Variants in CLSTN2 observed in about 807,000 individuals in gnomAD.
CLSTN2 encodes calsyntenin 2.
In CLSTN2, 48 loss-of-function variants were observed where a neutral mutation model predicts 101.2. The observed-to-expected ratio is 0.47, with a 90% CI of 0.38 to 0.60. The LOEUF (loss-of-function observed/expected upper bound fraction) is 0.60. Ranked by LOEUF, CLSTN2 falls within the 20% of genes least tolerant of loss-of-function variation. The pLI, the probability that CLSTN2 is intolerant of heterozygous loss-of-function variation, is 0.00. For synonymous variants in CLSTN2, 481 were observed against 463.6 expected, an observed-to-expected ratio of 1.04 and a Z score of -0.48; for missense variants, 1,160 against 1,238.2, an observed-to-expected ratio of 0.94 and a Z score of 0.95.
At chr3:140,198,388 C>T (rs190436483) in intron 2 of CLSTN2, among the ~76,000 whole-genome samples, 12 of 152,300 alleles carry the variant, frequency 7.9e-5, no homozygotes, top group East Asian at 1.9e-4. Flanking sequence ...CTGGGCACAG[C>T]GTGACTGGGC....
At position 140,479,182 on chromosome 3, in the gene CLSTN2, G is replaced by T. The variant is rs1934059007; in HGVS notation, c.1344+12451G>T. ...TTCACTGCAAAGGAGACAAATTTTG[G>T]AATTCCTCCAAGAAGGGCTAGGTAA... On this transcript the variant is annotated intron_variant, in intron 8 of 16. Transcript: ENST00000458420. 5.3e-5 allele frequency among the ~76,000 whole-genome samples: 8 copies of T among 152,256 alleles called. 1 individual carries two copies. The highest frequency in any genetic ancestry group is 2.0e-4 in the Admixed American group (3 of 15,294).
intron 14 of CLSTN2, 52 bp downstream of exon 14, chr3:140,563,008 T>C (rs753051122): frequency 4.3e-6 from 7 of 1,611,930 alleles, no homozygotes; most frequent in African/African-American, 1.3e-5. Context: ...CATTCCCTCA[T>C]TCATTCAGAA....
At chr3:140,061,845 C>T (rs1395964467) in intron 1 of CLSTN2, among the ~76,000 whole-genome samples, 1 of 152,212 alleles carries the variant, frequency 6.6e-6, no homozygotes, top group East Asian at 1.9e-4. Context: ...TTCCACACTT[C>T]TTCAAGAGTT....
chr3:140,527,571 A>G (rs143020189), intron 8 of CLSTN2, among the ~76,000 whole-genome samples: 1 of 152,296 alleles, frequency 6.6e-6, no homozygotes, highest in African/African-American at 2.4e-5. Context: ...CCATTACTGG[A>G]TATTCAGAAG....
rs549141119 is a variant in CLSTN2 at position 140,574,885 on chromosome 3, C to T, written c.*8632C>T. The T allele has an allele frequency of 6.6e-6, 1 of 152,352 alleles. No homozygotes were observed. Among genetic ancestry groups the T allele is most frequent in the South Asian group, 2.1e-4 (1 of 4,824 alleles). 9.4% of individuals were successfully genotyped at this position (152,352 alleles called of 1,614,324 possible). ...AGGCAAAGGGATGAGGAGGTAGCAT[C>T]TCCTCTTCAGAAGGATTCATAAGGG... On this transcript the variant is annotated 3_prime_UTR_variant, in exon 17 of 17. Transcript: ENST00000458420.
intron 1 of CLSTN2, among the ~76,000 whole-genome samples, chr3:140,132,424 A>G (rs1313017098): frequency 2.0e-5 from 3 of 152,210 alleles, no homozygotes; most frequent in African/African-American, 7.2e-5. Flanking sequence ...TAAGAAAATA[A>G]GACAATTCTC....
intron 2 of CLSTN2, among the ~76,000 whole-genome samples, chr3:140,178,538 TAA>T (rs1477184846): frequency 2.6e-5 from 4 of 152,166 alleles, no homozygotes; most frequent in African/African-American, 9.7e-5. Flanking sequence ...GCAGCTGCCT[TAA>T]AAGAGTCTAG....
At chr3:140,326,626 G>A (rs1468649325) in intron 2 of CLSTN2, among the ~76,000 whole-genome samples, 8 of 152,140 alleles carry the variant, frequency 5.3e-5, no homozygotes, top group African/African-American at 1.9e-4. Flanking sequence ...TCCTCCCAAA[G>A]ATTCAAGAAC....
chr3:140,405,490 G>A (rs1316275001), intron 4 of CLSTN2, among the ~76,000 whole-genome samples: 1 of 152,174 alleles, frequency 6.6e-6, no homozygotes, highest in Non-Finnish European at 1.5e-5. Flanking sequence ...GCCTCCCAAA[G>A]TGCTGGGATT....
At chr3:140,418,602 C>T (rs1413186035) in intron 4 of CLSTN2, among the ~76,000 whole-genome samples, 1 of 150,298 alleles carries the variant, frequency 6.7e-6, no homozygotes, top group Non-Finnish European at 1.5e-5. Flanking sequence ...ACTGCAACCT[C>T]TGCCTCCCGG....
At chr3:140,384,292 A>G (rs1180545230) in intron 2 of CLSTN2, among the ~76,000 whole-genome samples, 1 of 152,170 alleles carries the variant, frequency 6.6e-6, no homozygotes, top group African/African-American at 2.4e-5. Flanking sequence ...CTAGCAAATA[A>G]TCGTTTTATT....
intron 2 of CLSTN2, among the ~76,000 whole-genome samples, chr3:140,302,583 G>A (rs528198479): frequency 4.6e-5 from 7 of 152,310 alleles, no homozygotes; most frequent in Admixed American, 6.5e-5. Flanking sequence ...GCTAGTAAAC[G>A]TTGCCTGAAA....
At chr3:140,422,558 T>C (rs79859818) in intron 5 of CLSTN2, among the ~76,000 whole-genome samples, 5,977 of 152,172 alleles carry the variant, frequency 0.039, 371 homozygotes, top group African/African-American at 0.14. Context: ...GAGCCAGAGT[T>C]GTATGCCTTT....
chr3:140,138,875 C>T lies in CLSTN2; in HGVS notation c.110-37076C>T, dbSNP rs373121203. ...AAGCTCCATTTTTAAGAGGCAGTGT[C>T]GGCATTTTCTCACATTCTTTCTCCA... On this transcript the variant is annotated intron_variant, in intron 1 of 16. Transcript: ENST00000458420. Among the ~76,000 whole-genome samples, 118 of 152,290 alleles carry T rather than the reference C, an allele frequency of 7.7e-4. 2 individuals are homozygous for T. In the South Asian group the frequency reaches 0.022, roughly 28 times the overall value.
chr3:140,109,248 G>T (rs78460813), intron 1 of CLSTN2, among the ~76,000 whole-genome samples: 1 of 152,140 alleles, frequency 6.6e-6, no homozygotes, highest in Non-Finnish European at 1.5e-5. Flanking sequence ...CTGGCTCCAG[G>T]ATAGTTCTCT....
intron 2 of CLSTN2, among the ~76,000 whole-genome samples, chr3:140,314,496 A>G (rs903319664): frequency 6.6e-6 from 1 of 152,120 alleles, no homozygotes; most frequent in African/African-American, 2.4e-5. Context: ...CCACTCCCCT[A>G]GAGGCCTCAT....
At chr3:140,115,767 G>A (rs879834264) in intron 1 of CLSTN2, among the ~76,000 whole-genome samples, 3 of 152,118 alleles carry the variant, frequency 2.0e-5, no homozygotes, top group Non-Finnish European at 4.4e-5. Flanking sequence ...CTGAGAAAAC[G>A]TCCCCATCCT....
intron 2 of CLSTN2, among the ~76,000 whole-genome samples, chr3:140,324,637 A>C (rs1027343633): frequency 6.6e-6 from 1 of 152,168 alleles, no homozygotes; most frequent in African/African-American, 2.4e-5. Context: ...TAACAGGGAG[A>C]AAAATAATTT....
At chr3:140,155,093 T>C (rs1222436343) in intron 1 of CLSTN2, among the ~76,000 whole-genome samples, 2 of 152,150 alleles carry the variant, frequency 1.3e-5, no homozygotes, top group South Asian at 2.1e-4. Context: ...CTTGAGAGGG[T>C]CTAAACGGAA....
Sources: gnomAD v4.1 joint callset for allele counts (sites outside exome capture counted in the v4.1 genomes callset) on GRCh38, gnomAD v4.1.1 for gene constraint, MANE v1.5 for transcripts, NCBI Gene and HGNC (gene_info 2026-07-23, HGNC 2026-07-21) for gene names.